Variants in SPON1 observed in about 807,000 individuals in gnomAD.
SPON1 encodes the protein spondin-1.
In SPON1, 52 loss-of-function variants were observed where a neutral mutation model predicts 111.7. The observed-to-expected ratio is 0.47, with a 90% CI of 0.37 to 0.59. The LOEUF is 0.59. Ranked by LOEUF, SPON1 falls within the 20% of genes least tolerant of loss-of-function variation. The probability of loss-of-function intolerance (pLI) is 0.00; values close to 1 mark genes in which losing one functional copy is unlikely to be tolerated. For missense variants in SPON1, 957 were observed against 1,068.5 expected, an observed-to-expected ratio of 0.90 and a Z score of 1.46; for synonymous variants, 410 against 395.8, an observed-to-expected ratio of 1.04 and a Z score of -0.43.
chr11:14,062,467 A>C (rs1241502174), intron 3 of SPON1, among the ~76,000 whole-genome samples: 1 of 152,218 alleles, frequency 6.6e-6, no homozygotes, highest in African/African-American at 2.4e-5. Flanking sequence ...CCAGTACAAT[A>C]GCATCGCAAA....
chr11:13,996,597 G>C (rs1340041921), intron 2 of SPON1, among the ~76,000 whole-genome samples: 1 of 152,036 alleles, frequency 6.6e-6, no homozygotes, highest in Non-Finnish European at 1.5e-5. Flanking sequence ...GATAAATACA[G>C]AGAAAGATAA....
At chr11:14,203,653 C>T (rs1848486425) in intron 6 of SPON1, among the ~76,000 whole-genome samples, 1 of 152,118 alleles carries the variant, frequency 6.6e-6, no homozygotes. Context: ...CCAGCACATG[C>T]CCAGGTAATT....
intron 6 of SPON1, among the ~76,000 whole-genome samples, chr11:14,170,118 T>A (rs888272427): frequency 2.0e-5 from 3 of 152,244 alleles, no homozygotes; most frequent in Admixed American, 2.0e-4. Flanking sequence ...TTATTCTTCC[T>A]ACCCATGAGC....
chr11:14,016,455 T>C (rs1848444596), intron 2 of SPON1, among the ~76,000 whole-genome samples: 1 of 152,244 alleles, frequency 6.6e-6, no homozygotes, highest in African/African-American at 2.4e-5. Flanking sequence ...TACATTTATA[T>C]CAAAATAATT....
At chr11:13,987,173 C>G (rs1848192040) in intron 2 of SPON1, among the ~76,000 whole-genome samples, 1 of 152,188 alleles carries the variant, frequency 6.6e-6, no homozygotes, top group Non-Finnish European at 1.5e-5. Context: ...AATTTACACT[C>G]CCACCAACAG....
At chr11:14,201,397 A>ATT (rs1158279809) in intron 6 of SPON1, among the ~76,000 whole-genome samples, 1 of 146,110 alleles carries the variant, frequency 6.8e-6, no homozygotes, top group African/African-American at 2.5e-5. Flanking sequence ...CATTAGTTTG[A>ATT]TTTTTTTTTT....
At chr11:14,052,286 T>A (rs1042040504) in intron 3 of SPON1, among the ~76,000 whole-genome samples, 1 of 152,208 alleles carries the variant, frequency 6.6e-6, no homozygotes, top group Non-Finnish European at 1.5e-5. Flanking sequence ...ACTTTGTAAT[T>A]TCGTAGGGCT....
intron 6 of SPON1, among the ~76,000 whole-genome samples, chr11:14,177,991 A>T (rs1430500261): frequency 1.3e-5 from 2 of 151,564 alleles, no homozygotes; most frequent in Non-Finnish European, 2.9e-5. Context: ...GTCACATGAA[A>T]TACATTAAAT....
intron 2 of SPON1, among the ~76,000 whole-genome samples, chr11:14,007,759 A>C (rs1179115939): frequency 6.6e-6 from 1 of 151,978 alleles, no homozygotes; most frequent in Non-Finnish European, 1.5e-5. Flanking sequence ...CAGGCCACAG[A>C]CTGGGGGCTG....
intron 3 of SPON1, among the ~76,000 whole-genome samples, chr11:14,041,876 G>A (rs1848634148): frequency 1.3e-5 from 2 of 151,990 alleles, no homozygotes; most frequent in Admixed American, 1.3e-4. Context: ...TGATTCTCCT[G>A]GCCACCCTGT....
At chr11:14,265,114 C>A (rs1554942322) in intron 15 of SPON1, among the ~76,000 whole-genome samples, 1 of 152,134 alleles carries the variant, frequency 6.6e-6, no homozygotes. Context: ...ACCAGACCAG[C>A]CTCACCTGCG....
intron 6 of SPON1, among the ~76,000 whole-genome samples, chr11:14,203,747 C>T (rs1218300418): frequency 2.0e-5 from 3 of 152,114 alleles, no homozygotes; most frequent in Non-Finnish European, 4.4e-5. Context: ...TCTTGTTGCC[C>T]AGAGTCTCCA....
At chr11:14,166,206 C>T (rs782450594) in intron 6 of SPON1, among the ~76,000 whole-genome samples, 26 of 152,166 alleles carry the variant, frequency 1.7e-4, no homozygotes, top group Non-Finnish European at 3.4e-4. Context: ...ACCAGTTTAT[C>T]CAATTGTGTC....
At chr11:14,154,966 A>G (rs1847826396) in intron 6 of SPON1, among the ~76,000 whole-genome samples, 1 of 152,196 alleles carries the variant, frequency 6.6e-6, no homozygotes, top group Non-Finnish European at 1.5e-5. Context: ...TCTCTAGAGC[A>G]GGGACACAAT....
intron 13 of SPON1, among the ~76,000 whole-genome samples, 185 bp from the exon 14 acceptor site, chr11:14,260,403 A>C (rs2133927238): frequency 6.6e-6 from 1 of 152,258 alleles, no homozygotes; most frequent in African/African-American, 2.4e-5. Context: ...GAGTGAAAAG[A>C]AGAGCAGTAG....
chr11:13,965,334 G>A (rs1309124308), intron 1 of SPON1, among the ~76,000 whole-genome samples: 1 of 152,178 alleles, frequency 6.6e-6, no homozygotes, highest in Non-Finnish European at 1.5e-5. Flanking sequence ...CAGTGACTTA[G>A]ACTAGTCTGA....
intron 5 of SPON1, among the ~76,000 whole-genome samples, chr11:14,124,131 A>T (rs1847429615): frequency 6.6e-6 from 1 of 152,128 alleles, no homozygotes; most frequent in African/African-American, 2.4e-5. Context: ...TCCTATCATG[A>T]TCTGCCTGGC....
At chr11:14,182,099 C>T (rs1248295778) in intron 6 of SPON1, among the ~76,000 whole-genome samples, 2 of 152,186 alleles carry the variant, frequency 1.3e-5, no homozygotes, top group African/African-American at 4.8e-5. Context: ...TGCTGTGAGT[C>T]TCACATTTGC....
At chr11:14,092,469 C>T (rs1983501) in intron 5 of SPON1, among the ~76,000 whole-genome samples, 151,950 of 152,320 alleles carry the variant, frequency 1, 75,791 homozygotes, top group Middle Eastern at 1. Flanking sequence ...TGGGAATTTA[C>T]GTTGGACACT....
Sources: gnomAD v4.1 joint callset for allele counts (sites outside exome capture counted in the v4.1 genomes callset) on GRCh38, gnomAD v4.1.1 for gene constraint, MANE v1.5 for transcripts, NCBI Gene and HGNC (gene_info 2026-07-23, HGNC 2026-07-21) for gene names.